Variants in GRID1 observed in about 807,000 individuals in gnomAD.
GRID1 encodes the protein glutamate receptor ionotropic, delta-1.
GRID1 carries 28 observed loss-of-function variants against 98.0 expected under a neutral mutation model. The observed-to-expected ratio is 0.29, with a 90% CI of 0.21 to 0.39. The LOEUF is 0.39. GRID1 is among the 10% of genes least tolerant of loss of function. The pLI is 1.00. For synonymous variants in GRID1, 553 were observed against 538.5 expected (o/e 1.03, Z -0.37); for missense variants, 1,111 against 1,340.5 (o/e 0.83, Z 2.67).
intron 12 of GRID1, among the ~76,000 whole-genome samples, chr10:85,683,210 G>GA (rs11448371): frequency 0.028 from 4,221 of 151,748 alleles, 170 homozygotes; most frequent in African/African-American, 0.095. Flanking sequence ...GGCATGCAGA[G>GA]AAAAAAAATA....
intron 14 of GRID1, 129 bp from the exon 15 acceptor site, chr10:85,613,776 T>C (rs1842759786): frequency 9.2e-7 from 1 of 1,084,464 alleles, no homozygotes; most frequent in East Asian, 2.4e-5. Flanking sequence ...GCTTTCTGCC[T>C]TAGCTCTTCT....
At chr10:85,725,180 T>A (rs1393007033) in intron 10 of GRID1, among the ~76,000 whole-genome samples, 1 of 152,226 alleles carries the variant, frequency 6.6e-6, no homozygotes, top group South Asian at 2.1e-4. Flanking sequence ...TCAGAAGTTA[T>A]ATGGTGAGTT....
chr10:85,707,482 T>C (rs1322539899), intron 12 of GRID1, among the ~76,000 whole-genome samples: 1 of 152,166 alleles, frequency 6.6e-6, no homozygotes, highest in African/African-American at 2.4e-5. Flanking sequence ...GGAGAGGATG[T>C]GGAGAAATAG....
chr10:86,127,734 G>A (rs2131964143), intron 4 of GRID1, among the ~76,000 whole-genome samples: 1 of 152,252 alleles, frequency 6.6e-6, no homozygotes, highest in East Asian at 1.9e-4. Context: ...ACTTGGCTCT[G>A]TGAGCTATGC....
intron 12 of GRID1, among the ~76,000 whole-genome samples, chr10:85,666,758 G>A (rs140890958): frequency 1.3e-5 from 2 of 152,194 alleles, no homozygotes; most frequent in Non-Finnish European, 2.9e-5. Flanking sequence ...ACATCTATGG[G>A]CATCTAACAC....
intron 3 of GRID1, among the ~76,000 whole-genome samples, chr10:86,180,155 C>T (rs117420807): frequency 0.013 from 1,941 of 152,148 alleles, 14 homozygotes; most frequent in Middle Eastern, 0.027. Flanking sequence ...GAGAGGTGGC[C>T]GCCAGCTAGC....
chr10:85,862,979 G>A (rs1445649173), intron 6 of GRID1, among the ~76,000 whole-genome samples: 1 of 152,164 alleles, frequency 6.6e-6, no homozygotes, highest in Non-Finnish European at 1.5e-5. Flanking sequence ...CCCCAGCGGG[G>A]AGGGGCTTCA....
chr10:86,215,478 T>C (rs1318469400), intron 2 of GRID1, among the ~76,000 whole-genome samples: 1 of 152,194 alleles, frequency 6.6e-6, no homozygotes, highest in Non-Finnish European at 1.5e-5. Context: ...CAGCTCCTCA[T>C]TAATGACTTT....
chr10:86,309,452 A>G (rs1359456407), intron 2 of GRID1, among the ~76,000 whole-genome samples: 3 of 152,218 alleles, frequency 2.0e-5, no homozygotes, highest in African/African-American at 7.2e-5. Flanking sequence ...GGTCATACAT[A>G]AAAGGGATCA....
In GRID1 at chr10:86,211,399, G is replaced by A. The variant is rs544679563; in HGVS notation, c.236-4751C>T. Reference sequence around the variant, plus strand: ...AGTAAGTAAAGACAAACTGTAATGAGCGGCTTCCAGCCCCCCCACCTGCAC... The same window carrying A: ...AGTAAGTAAAGACAAACTGTAATGAACGGCTTCCAGCCCCCCCACCTGCAC... On this transcript the variant is annotated intron_variant, in intron 2 of 15. Transcript: ENST00000327946. Among the ~76,000 whole-genome samples, 23 of 152,300 alleles carry A rather than the reference G, an allele frequency of 1.5e-4. No homozygotes were observed. The East Asian group carries it at 4.4e-3, about 29-fold the overall frequency.
At chr10:85,773,442 C>A (rs1454249203) in intron 8 of GRID1, among the ~76,000 whole-genome samples, 1 of 152,062 alleles carries the variant, frequency 6.6e-6, no homozygotes, top group South Asian at 2.1e-4. Context: ...CTCACCACTC[C>A]TATTCAACAT....
intron 12 of GRID1, among the ~76,000 whole-genome samples, chr10:85,655,973 C>T (rs936735966): frequency 1.3e-5 from 2 of 151,548 alleles, no homozygotes; most frequent in African/African-American, 2.4e-5. Context: ...TACATACATA[C>T]ATCTTCTCTC....
intron 4 of GRID1, among the ~76,000 whole-genome samples, chr10:86,103,693 C>T (rs78198632): frequency 0.011 from 1,650 of 152,292 alleles, 13 homozygotes; most frequent in African/African-American, 0.024. Flanking sequence ...GGCTCTTAAA[C>T]GTTTGCCACA....
chr10:86,076,360 G>A (rs914935290), intron 4 of GRID1, among the ~76,000 whole-genome samples: 10 of 152,184 alleles, frequency 6.6e-5, no homozygotes, highest in African/African-American at 1.7e-4. Context: ...TGTGGAAGTC[G>A]GTCATGAATC....
At chr10:85,770,351 A>G (rs1842249611) in intron 8 of GRID1, among the ~76,000 whole-genome samples, 2 of 152,186 alleles carry the variant, frequency 1.3e-5, no homozygotes, top group Non-Finnish European at 1.5e-5. Context: ...AAAGACGAAA[A>G]GTAGATAAAA....
At chr10:86,103,358 G>A (rs2099500633) in intron 4 of GRID1, among the ~76,000 whole-genome samples, 1 of 152,218 alleles carries the variant, frequency 6.6e-6, no homozygotes, top group South Asian at 2.1e-4. Context: ...GGGCCCAGGT[G>A]GGGAATTCTG....
intron 3 of GRID1, among the ~76,000 whole-genome samples, chr10:86,171,781 A>G (rs1015270642): frequency 2.0e-5 from 3 of 152,198 alleles, no homozygotes; most frequent in African/African-American, 7.2e-5. Context: ...TAGTAATTCT[A>G]CCTAAACCAC....
At chr10:85,951,150 G>C (rs976752930) in intron 4 of GRID1, among the ~76,000 whole-genome samples, 1 of 152,178 alleles carries the variant, frequency 6.6e-6, no homozygotes, top group Admixed American at 6.5e-5. Flanking sequence ...GACCAAACCA[G>C]GTCACTGTCT....
At chr10:86,259,677 T>C (rs1013992458) in intron 2 of GRID1, among the ~76,000 whole-genome samples, 4 of 152,060 alleles carry the variant, frequency 2.6e-5, no homozygotes, top group African/African-American at 7.3e-5. Flanking sequence ...TGTGTGTGTG[T>C]GCACGCACAT....
Sources: gnomAD v4.1 joint callset for allele counts (sites outside exome capture counted in the v4.1 genomes callset) on GRCh38, gnomAD v4.1.1 for gene constraint, MANE v1.5 for transcripts, NCBI Gene and HGNC (gene_info 2026-07-23, HGNC 2026-07-21) for gene names.